Variants in CORIN observed in about 807,000 individuals in gnomAD.
CORIN encodes atrial natriuretic peptide-converting enzyme.
In CORIN, 117 loss-of-function variants were observed where a neutral mutation model predicts 125.3. That is an observed-to-expected ratio of 0.93 (90% CI 0.80 to 1.09). CORIN has a LOEUF of 1.09. Ranked by LOEUF, CORIN falls within the 50% of genes least tolerant of loss-of-function variation. The probability of loss-of-function intolerance (pLI) is 0.00; values close to 1 mark genes in which losing one functional copy is unlikely to be tolerated. For synonymous variants in CORIN, 450 were observed against 466.4 expected, an observed-to-expected ratio of 0.96 and a Z score of 0.45; for missense variants, 1,253 against 1,306.7, an observed-to-expected ratio of 0.96 and a Z score of 0.63.
rs936616980 is a variant in CORIN at position 47,821,497 on chromosome 4, ACTGT to A, written c.64-14454_64-14451del. On this transcript the variant is annotated intron_variant, in intron 1 of 21. Coordinates refer to ENST00000273857, the MANE Select transcript of CORIN (RefSeq NM_006587.4). ...ATGTTAATACATACTTATAAAAAAA[ACTGT>A]CTGAATGTTTAATATTTATGATCGG... is the stretch of plus-strand genomic sequence containing the variant. Among the ~76,000 whole-genome samples the A allele has an allele frequency of 6.6e-5, 10 of 151,926 alleles. 1 individual carries two copies. Among genetic ancestry groups the A allele is most frequent in the South Asian group, 6.2e-4 (3 of 4,818 alleles).
intron 21 of CORIN, among the ~76,000 whole-genome samples, chr4:47,599,055 T>C (rs1445732955): frequency 6.6e-6 from 1 of 152,192 alleles, no homozygotes; most frequent in African/African-American, 2.4e-5. Context: ...CTGGCAGAGA[T>C]GAATTCCAAC....
intron 13 of CORIN, among the ~76,000 whole-genome samples, chr4:47,647,188 A>C (rs1723529000): frequency 6.6e-6 from 1 of 152,028 alleles, no homozygotes; most frequent in Admixed American, 6.5e-5. Flanking sequence ...GATTTGAGAA[A>C]GAGCCTGAAG....
chr4:47,624,017 C>T (rs1344122), intron 17 of CORIN, 69 bp from the exon 18 acceptor site: 344,506 of 1,296,434 alleles, frequency 0.27, 47,557 homozygotes, highest in Admixed American at 0.4. Context: ...AACACTTTAC[C>T]AGTGAAATAC....
intron 3 of CORIN, among the ~76,000 whole-genome samples, chr4:47,771,052 T>C (rs1730005990): frequency 6.6e-6 from 1 of 152,128 alleles, no homozygotes; most frequent in Admixed American, 6.6e-5. Context: ...CCAAAATTAT[T>C]TGAGGTTAAA....
chr4:47,679,981 A>C (rs1725191747), intron 8 of CORIN, 160 bp downstream of exon 8: 3 of 541,532 alleles, frequency 5.5e-6, no homozygotes, highest in Non-Finnish European at 9.9e-6. Context: ...TTGTCATCCC[A>C]TGACTCAGTG....
chr4:47,632,156 AG>A (rs1722831528), intron 16 of CORIN: 1 of 152,162 alleles, frequency 6.6e-6, no homozygotes, highest in Non-Finnish European at 1.5e-5. Context: ...CCCCAAAACC[AG>A]GGCTTTTTTC....
rs1251455265 is a variant in CORIN, at chr4:47,595,667, A to G, written c.*54T>C. The G allele has an allele frequency of 1.4e-6, 2 of 1,455,792 alleles. No homozygotes were observed. Among genetic ancestry groups the G allele is most frequent in the African/African-American group, 2.8e-5 (2 of 70,400 alleles). The allele number at this position is 1,455,792 out of a possible 1,614,324, so 90.2% of individuals were successfully genotyped here. On this transcript the variant is annotated 3_prime_UTR_variant, in exon 22 of 22. Transcript: ENST00000273857. ...CTCTGCAGGCAGCTCTTCACAGTCA[A>G]GAAGGCCATTTTCTTTTAGTGTAGC...
At chr4:47,765,189 G>C (rs1025220243) in intron 3 of CORIN, among the ~76,000 whole-genome samples, 1 of 151,690 alleles carries the variant, frequency 6.6e-6, no homozygotes, top group African/African-American at 2.4e-5. Context: ...CGGGCGTTGT[G>C]GGGGGCGTGG....
chr4:47,696,502 T>A (rs964257913), intron 5 of CORIN, among the ~76,000 whole-genome samples: 3 of 152,196 alleles, frequency 2.0e-5, no homozygotes, highest in Admixed American at 6.5e-5. Flanking sequence ...ATTCTATTGA[T>A]CATCATCTGA....
chr4:47,735,851 G>C (rs575771860), intron 5 of CORIN, among the ~76,000 whole-genome samples: 1 of 151,276 alleles, frequency 6.6e-6, no homozygotes, highest in African/African-American at 2.4e-5. Context: ...ACGTGAACCC[G>C]GGAGGCGAAG....
chr4:47,641,880 T>C, intron 16 of CORIN, 40 bp downstream of exon 16: 1 of 1,599,874 alleles, frequency 6.3e-7, no homozygotes, highest in Non-Finnish European at 8.5e-7. Context: ...CCACAAAGCC[T>C]TCTGAGAAAT....
In CORIN at chr4:47,631,924, C is replaced by A. The variant is rs549329324; in HGVS notation, c.2199-5403G>T. On this transcript the variant is annotated intron_variant, in intron 16 of 21. Coordinates refer to ENST00000273857, the MANE Select transcript of CORIN (RefSeq NM_006587.4). ...ACACACATACAAATATATCACTTTTCTGATGCTGAAATGAGAGAACAGAGC... is the reference window on the plus strand; with the variant it reads ...ACACACATACAAATATATCACTTTTATGATGCTGAAATGAGAGAACAGAGC... 3.2e-4 allele frequency among the ~76,000 whole-genome samples: 49 copies of A among 152,270 alleles called. No individual in the cohort carries two copies. The South Asian group carries it at 3.9e-3, about 12-fold the overall frequency.
chr4:47,836,557 A>G lies in CORIN; in HGVS notation c.63+1330T>C, dbSNP rs78228969. ...AAAACTAGAAGCCACAATTGTGCCT[A>G]TGTCAGTCATCGAAGTCTTGTACAG... On this transcript the variant is annotated intron_variant, in intron 1 of 21. Transcript: ENST00000273857. 3.5e-3 allele frequency among the ~76,000 whole-genome samples: 530 copies of G among 152,318 alleles called. 3 individuals are homozygous for G. The highest frequency in any genetic ancestry group is 5.9e-3 in the Non-Finnish European group (399 of 68,014).
intron 5 of CORIN, among the ~76,000 whole-genome samples, chr4:47,703,417 A>G (rs1726398192): frequency 6.6e-6 from 1 of 152,216 alleles, no homozygotes; most frequent in South Asian, 2.1e-4. Flanking sequence ...ATGAGTTCAT[A>G]AACACCCTGA....
intron 5 of CORIN, among the ~76,000 whole-genome samples, chr4:47,715,901 A>G (rs1727068083): frequency 6.6e-6 from 1 of 152,192 alleles, no homozygotes; most frequent in African/African-American, 2.4e-5. Context: ...GCAAAGGAAT[A>G]GTGTTCAAGC....
Position 47,626,532 on chromosome 4 carries a change from G to A in CORIN, c.2199-11C>T. 2 of 1,464,780 alleles carry A rather than the reference G, an allele frequency of 1.4e-6. No homozygotes were observed. The highest frequency in any genetic ancestry group is 1.9e-6 in the Non-Finnish European group (2 of 1,044,068). The allele number at this position is 1,464,780 out of a possible 1,614,324, so 90.7% of individuals were successfully genotyped here. ...GTCACAGATGGTTCTCTGATACAAG[G>A]CAAATACTGGATAAGTATTCAAAGT... On this transcript the variant is annotated splice_polypyrimidine_tract_variant and intron_variant, in intron 16 of 21. Transcript: ENST00000273857.
intron 3 of CORIN, among the ~76,000 whole-genome samples, chr4:47,774,463 A>T (rs976758152): frequency 6.6e-6 from 1 of 152,162 alleles, no homozygotes; most frequent in Admixed American, 6.5e-5. Context: ...TATATTGCTT[A>T]AATTAAATAG....
chr4:47,827,297 A>G (rs1333580927), intron 1 of CORIN, among the ~76,000 whole-genome samples: 1 of 152,238 alleles, frequency 6.6e-6, no homozygotes, highest in Non-Finnish European at 1.5e-5. Context: ...AGGGATATGC[A>G]CAACTAGATA....
At chr4:47,613,011 G>A (rs1204165147) in intron 19 of CORIN, among the ~76,000 whole-genome samples, 1 of 152,200 alleles carries the variant, frequency 6.6e-6, no homozygotes, top group Admixed American at 6.5e-5. Context: ...GGGGGAAAAA[G>A]CTATGATAAT....
Sources: allele counts gnomAD v4.1 joint callset (sites outside exome capture counted in the v4.1 genomes callset), GRCh38; gene constraint gnomAD v4.1.1; transcripts MANE v1.5; gene names NCBI Gene and HGNC (gene_info 2026-07-23, HGNC 2026-07-21).